Variants in INO80C observed in about 807,000 individuals in gnomAD.
INO80C encodes the protein IES6 homolog.
Under a neutral mutation model 17.7 loss-of-function variants are expected in INO80C, and 17 were observed. The observed-to-expected ratio is 0.96, with a 90% CI of 0.66 to 1.44. The LOEUF (loss-of-function observed/expected upper bound fraction) is 1.44, where lower values mean the gene tolerates loss of function less well. Ranked by LOEUF, INO80C falls within the 40% of genes most tolerant of loss-of-function variation. INO80C has a pLI of 0.00. For synonymous variants in INO80C, 96 were observed against 95.8 expected, an observed-to-expected ratio of 1.00 and a Z score of -0.01; for missense variants, 244 against 245.0, an observed-to-expected ratio of 1.00 and a Z score of 0.03.
chr18:35,474,205 G>GTGTATA (rs1182452867), intron 4 of INO80C, among the ~76,000 whole-genome samples: 4 of 27,244 alleles, frequency 1.5e-4, no homozygotes, highest in Admixed American at 9.9e-4. Context: ...GTGTGTGTGT[G>GTGTATA]TCTATATATA....
intron 4 of INO80C, among the ~76,000 whole-genome samples, chr18:35,470,423 T>C (rs878943488): frequency 1.3e-5 from 2 of 152,186 alleles, no homozygotes; most frequent in Admixed American, 6.5e-5. Flanking sequence ...ATGACAGTAA[T>C]ATAAGGAAAG....
intron 1 of INO80C, among the ~76,000 whole-genome samples, chr18:35,490,729 G>T (rs997913379): frequency 6.7e-6 from 1 of 149,254 alleles, no homozygotes; most frequent in African/African-American, 2.5e-5. Flanking sequence ...CTCCAGAGAT[G>T]TTCAAAAACT....
intron 4 of INO80C, among the ~76,000 whole-genome samples, chr18:35,475,659 T>TAAGA (rs141702512): frequency 0.014 from 2,116 of 147,230 alleles, 60 homozygotes; most frequent in African/African-American, 0.05. Context: ...GGCAACAGAG[T>TAAGA]AAGACCCTGT....
intron 4 of INO80C, among the ~76,000 whole-genome samples, chr18:35,469,035 T>C (rs1257024840): frequency 1.3e-5 from 2 of 152,186 alleles, no homozygotes; most frequent in African/African-American, 2.4e-5. Flanking sequence ...GAATTCATGA[T>C]GGTCATCCCT....
chr18:35,488,669 T>C (rs1242705292), intron 1 of INO80C, among the ~76,000 whole-genome samples: 1 of 152,214 alleles, frequency 6.6e-6, no homozygotes, highest in Admixed American at 6.5e-5. Context: ...ATTTTCCCCA[T>C]TGTCTTGGTG....
intron 1 of INO80C, among the ~76,000 whole-genome samples, chr18:35,488,520 GAA>G (rs2045900500): frequency 6.6e-6 from 1 of 152,332 alleles, no homozygotes; most frequent in Admixed American, 6.5e-5. Flanking sequence ...GGAGTGGCTG[GAA>G]CACAGGGCAC....
At chr18:35,478,405 T>G in intron 3 of INO80C, 56 bp from the exon 4 acceptor site, 1 of 1,310,882 alleles carries the variant, frequency 7.6e-7, no homozygotes, top group Non-Finnish European at 1.1e-6. Flanking sequence ...TTCAAATCCC[T>G]TCTCTTTTTT....
At chr18:35,472,238 A>G (rs1206265515) in intron 4 of INO80C, among the ~76,000 whole-genome samples, 1 of 152,084 alleles carries the variant, frequency 6.6e-6, no homozygotes, top group Non-Finnish European at 1.5e-5. Context: ...AAGTGTTCCT[A>G]TTTCTCCACA....
At chr18:35,469,880 G>A (rs1186096089) in intron 4 of INO80C, among the ~76,000 whole-genome samples, 2 of 152,124 alleles carry the variant, frequency 1.3e-5, no homozygotes, top group East Asian at 1.9e-4. Flanking sequence ...AGACAATTGG[G>A]ACCATCACAG....
intron 1 of INO80C, 126 bp downstream of exon 1, chr18:35,497,593 G>A (rs1165147014): frequency 4.9e-6 from 7 of 1,434,294 alleles, no homozygotes; most frequent in Admixed American, 2.9e-5. Context: ...GCGGGGCAGC[G>A]TCTTTCAACC....
intron 1 of INO80C, among the ~76,000 whole-genome samples, chr18:35,490,078 G>C (rs1317295877): frequency 2.0e-5 from 3 of 152,172 alleles, no homozygotes; most frequent in African/African-American, 7.2e-5. Context: ...ATGACTCCTG[G>C]TTCCTGAGAA....
At chr18:35,487,233 T>C (rs1397473742) in intron 1 of INO80C, among the ~76,000 whole-genome samples, 2 of 152,180 alleles carry the variant, frequency 1.3e-5, no homozygotes, top group African/African-American at 4.8e-5. Flanking sequence ...TGAGGAAATA[T>C]CAGACAGGCC....
intron 4 of INO80C, among the ~76,000 whole-genome samples, chr18:35,476,109 T>C (rs1367873013): frequency 5.3e-5 from 8 of 152,226 alleles, no homozygotes; most frequent in Non-Finnish European, 1.2e-4. Context: ...TAACCATTCA[T>C]AATTTGTAAA....
At chr18:35,470,912 T>A (rs972320149) in intron 4 of INO80C, among the ~76,000 whole-genome samples, 1 of 152,204 alleles carries the variant, frequency 6.6e-6, no homozygotes, top group Non-Finnish European at 1.5e-5. Context: ...AAACGCCAAC[T>A]TCCCACAGGG....
chr18:35,487,405 G>T, intron 1 of INO80C: 1 of 397,618 alleles, frequency 2.5e-6, no homozygotes, highest in Non-Finnish European at 5.0e-6. Flanking sequence ...CGGCTGGGGA[G>T]GCCTCACAAT....
chr18:35,495,833 T>A (rs765346214), intron 1 of INO80C, among the ~76,000 whole-genome samples: 9 of 152,054 alleles, frequency 5.9e-5, no homozygotes, highest in Non-Finnish European at 1.0e-4. Flanking sequence ...AATTTTTTTT[T>A]AAAAGCCAAT....
At chr18:35,472,037 A>G (rs927985263) in intron 4 of INO80C, among the ~76,000 whole-genome samples, 2 of 152,176 alleles carry the variant, frequency 1.3e-5, no homozygotes, top group African/African-American at 4.8e-5. Context: ...AGTCTTTGCT[A>G]TTGTGAATAG....
intron 1 of INO80C, among the ~76,000 whole-genome samples, chr18:35,496,446 G>C (rs12964742): frequency 0.1 from 15,985 of 152,258 alleles, 919 homozygotes; most frequent in African/African-American, 0.15. Context: ...TAACTGTTAG[G>C]AAGGAAAGAC....
chr18:35,474,193 ATGTG>A (rs1228423728), intron 4 of INO80C, among the ~76,000 whole-genome samples: 1 of 106,516 alleles, frequency 9.4e-6, no homozygotes, highest in Non-Finnish European at 1.8e-5. Context: ...ATATGTGTAT[ATGTG>A]TGTGTGTGTC....
Sources: gnomAD v4.1 joint callset for allele counts (sites outside exome capture counted in the v4.1 genomes callset) on GRCh38, gnomAD v4.1.1 for gene constraint, MANE v1.5 for transcripts, NCBI Gene and HGNC (gene_info 2026-07-23, HGNC 2026-07-21) for gene names.